TTI1: variants seen among roughly 807,000 people sequenced by gnomAD.
TTI1 encodes the protein TELO2 interacting protein 1.
TTI1 carries 52 observed loss-of-function variants against 85.4 expected under a neutral mutation model. The observed-to-expected ratio is 0.61, with a 90% CI of 0.49 to 0.77. The LOEUF (loss-of-function observed/expected upper bound fraction) is 0.77, where lower values mean the gene tolerates loss of function less well. TTI1 is among the 30% of genes least tolerant of loss of function. The probability of loss-of-function intolerance (pLI) is 0.00; values close to 1 mark genes in which losing one functional copy is unlikely to be tolerated. For missense variants in TTI1, 1,173 were observed against 1,296.0 expected (o/e 0.91, Z 1.46); for synonymous variants, 512 against 503.9 (o/e 1.02, Z -0.22).
At chr20:38,002,834 A>G (rs1374087282) in intron 3 of TTI1, 58 bp from the exon 4 acceptor site, 7 of 1,594,290 alleles carry the variant, frequency 4.4e-6, no homozygotes, top group Admixed American at 1.7e-5. Flanking sequence ...AGAGATACCT[A>G]AATTTCTGTT....
chr20:38,015,220 ACT>A (rs1007028440), intron 1 of TTI1, among the ~76,000 whole-genome samples: 1 of 151,980 alleles, frequency 6.6e-6, no homozygotes, highest in African/African-American at 2.4e-5. Context: ...CCATGGAGAG[ACT>A]CTGATACGCT....
At chr20:38,015,944 G>A (rs1431935759) in intron 1 of TTI1, among the ~76,000 whole-genome samples, 11 of 152,190 alleles carry the variant, frequency 7.2e-5, no homozygotes, top group Admixed American at 6.5e-4. Context: ...AGACCGAAAA[G>A]CCTTGAAGGA....
At chr20:37,999,084 G>T in intron 5 of TTI1, 104 bp downstream of exon 5, 1 of 1,201,768 alleles carries the variant, frequency 8.3e-7, no homozygotes, top group Non-Finnish European at 1.1e-6. Flanking sequence ...CACAGTATGT[G>T]ACATTGCAAT....
intron 7 of TTI1, among the ~76,000 whole-genome samples, chr20:37,993,185 C>T (rs2073290155): frequency 1.5e-5 from 2 of 137,708 alleles, no homozygotes; most frequent in Non-Finnish European, 1.5e-5. Context: ...TCACATCCTG[C>T]CCCCACCATC....
Position 38,020,310 on chromosome 20 carries a change from GAAAAA to G in TTI1, c.-41-6458_-41-6454del, listed in dbSNP as rs772839935. Among the ~76,000 whole-genome samples, 33 of 48,274 alleles carry G rather than the reference GAAAAA, an allele frequency of 6.8e-4. 1 individual carries two copies. Among genetic ancestry groups the G allele is most frequent in the African/African-American group, 3.5e-3 (33 of 9,434 alleles). 31.7% of individuals were successfully genotyped at this position (48,274 alleles called of 152,430 possible). A position where few individuals can be genotyped will look rare whatever the true frequency, so the allele number is the denominator to read the frequency against. ...TGCTATGTCACTTGGCTACTCATAT[GAAAAA>G]AAAAAAAAATATATATATATATATA... On this transcript the variant is annotated intron_variant, in intron 1 of 7. Coordinates refer to ENST00000373447, the MANE Select transcript of TTI1 (RefSeq NM_001303457.2).
At chr20:38,025,438 G>A (rs545698900) in intron 1 of TTI1, among the ~76,000 whole-genome samples, 22 of 152,092 alleles carry the variant, frequency 1.4e-4, no homozygotes, top group South Asian at 2.1e-4. Context: ...GTATGGTGGC[G>A]CGTGCCTGTA....
Position 38,012,536 on chromosome 20 carries a change from C to T in TTI1, c.1281G>A (p.Arg427=), listed in dbSNP as rs1405978437. 4.3e-6 allele frequency: 7 copies of T among 1,614,160 alleles called. No individual in the cohort carries two copies. The South Asian group carries it at 6.6e-5, about 15-fold the overall frequency. Residue 427 remains arginine, a synonymous_variant, in exon 2 of 8, where the codon CGG becomes CGA. Coordinates refer to ENST00000373447, the MANE Select transcript of TTI1 (RefSeq NM_001303457.2). ...GAACTTGGATGAGTGCTTTGGAAAGCCGCTGGAGATGGGCCACAGAGTTGA... is the reference window on the plus strand; with the variant it reads ...GAACTTGGATGAGTGCTTTGGAAAGTCGCTGGAGATGGGCCACAGAGTTGA... The part of the protein sequence containing the change: ...FVLNSVAHLQ[R]LSKALIQVLE...
chr20:38,003,920 G>T (rs2073461350), intron 3 of TTI1, among the ~76,000 whole-genome samples: 1 of 152,148 alleles, frequency 6.6e-6, no homozygotes, highest in Non-Finnish European at 1.5e-5. Flanking sequence ...CAGCCTGTAA[G>T]AACTTCTGAT....
chr20:37,997,085 T>C, intron 5 of TTI1, 132 bp from the exon 6 acceptor site: 1 of 1,031,232 alleles, frequency 9.7e-7, no homozygotes, highest in Non-Finnish European at 1.4e-6. Flanking sequence ...TGCTGTTAAT[T>C]CCTTGCCCAT....
chr20:38,015,410 G>C (rs1342117464), intron 1 of TTI1, among the ~76,000 whole-genome samples: 1 of 152,164 alleles, frequency 6.6e-6, no homozygotes, highest in Admixed American at 6.5e-5. Flanking sequence ...CAGCCACAAA[G>C]CTTGGCTGGG....
intron 7 of TTI1, among the ~76,000 whole-genome samples, chr20:37,985,730 G>A (rs2073182387): frequency 1.3e-5 from 2 of 152,102 alleles, no homozygotes. Flanking sequence ...GTTTCACCAT[G>A]TTGGCCAGGC....
intron 7 of TTI1, among the ~76,000 whole-genome samples, chr20:37,992,401 C>T (rs2073277499): frequency 6.6e-6 from 1 of 152,022 alleles, no homozygotes; most frequent in South Asian, 2.1e-4. Flanking sequence ...CTCAGCTTCC[C>T]AAGTAGCTGG....
In TTI1 at chr20:38,028,997, G is replaced by C. The variant is rs117222350; in HGVS notation, c.-42+4407C>G. ...GTTAAGATTACAGGCATGAGCTACA[G>C]TGCCTAGCCCACATTCTTTTCAAGT... On this transcript the variant is annotated intron_variant, in intron 1 of 7. Coordinates refer to ENST00000373447, the MANE Select transcript of TTI1 (RefSeq NM_001303457.2). Among the ~76,000 whole-genome samples, 121 of 152,252 alleles carry C rather than the reference G, an allele frequency of 7.9e-4. 3 individuals carry two copies. In the East Asian group the frequency reaches 0.022, roughly 28 times the overall value.
At chr20:38,028,640 T>C (rs1264702127) in intron 1 of TTI1, among the ~76,000 whole-genome samples, 2 of 152,218 alleles carry the variant, frequency 1.3e-5, no homozygotes, top group African/African-American at 2.4e-5. Context: ...ACCACCACCA[T>C]CAACCAACAG....
In TTI1 at chr20:37,983,253, G is replaced by C; in HGVS notation, c.*203C>G. On this transcript the variant is annotated 3_prime_UTR_variant, in exon 8 of 8. Coordinates refer to ENST00000373447, the MANE Select transcript of TTI1 (RefSeq NM_001303457.2). Reference sequence around the variant, plus strand: ...CAGACAATGTCACTTGACAACACAAGGTATGAAACATAAATAATAGTCAGC... The same window carrying C: ...CAGACAATGTCACTTGACAACACAACGTATGAAACATAAATAATAGTCAGC... 1.8e-6 allele frequency: 1 copy of C among 554,694 alleles called. No individual in the cohort carries two copies. The highest frequency in any genetic ancestry group is 2.0e-5 in the South Asian group (1 of 49,030). The allele number at this position is 554,694 out of a possible 1,614,324, so 34.4% of individuals were successfully genotyped here.
intron 5 of TTI1, among the ~76,000 whole-genome samples, chr20:37,998,552 G>A (rs375026240): frequency 5.3e-5 from 8 of 152,140 alleles, no homozygotes; most frequent in East Asian, 1.9e-4. Context: ...TAAAATATCC[G>A]TGCTAATGTA....
chr20:38,011,309 G>C (rs1242283075), intron 2 of TTI1, among the ~76,000 whole-genome samples: 1 of 152,138 alleles, frequency 6.6e-6, no homozygotes, highest in Non-Finnish European at 1.5e-5. Context: ...CCCTGGCATA[G>C]AGCAGGAGCT....
intron 7 of TTI1, among the ~76,000 whole-genome samples, chr20:37,990,404 T>C (rs1178289339): frequency 6.6e-6 from 1 of 152,236 alleles, no homozygotes; most frequent in African/African-American, 2.4e-5. Context: ...TACATGCTTT[T>C]TTCGGTCTTA....
chr20:38,019,447 T>C (rs2073731927), intron 1 of TTI1, among the ~76,000 whole-genome samples: 2 of 152,162 alleles, frequency 1.3e-5, no homozygotes, highest in Non-Finnish European at 1.5e-5. Context: ...AAGAGTCTAG[T>C]AGTGTAATGA....
Sources: gnomAD v4.1 joint callset for allele counts (sites outside exome capture counted in the v4.1 genomes callset) on GRCh38, gnomAD v4.1.1 for gene constraint, MANE v1.5 for transcripts, NCBI Gene and HGNC (gene_info 2026-07-23, HGNC 2026-07-21) for gene names.